The following CNTN5 variants were observed in gnomAD, a reference collection of about 807,000 sequenced individuals.
CNTN5 encodes the protein contactin-5.
Under a neutral mutation model 129.1 loss-of-function variants are expected in CNTN5, and 77 were observed. The ratio of observed to expected loss-of-function variants is 0.60; its 90% confidence interval spans 0.50 to 0.72. The LOEUF is 0.72. Ranked by LOEUF, CNTN5 falls within the 30% of genes least tolerant of loss-of-function variation. The pLI is 0.00. For synonymous variants in CNTN5, 509 were observed against 465.6 expected, an observed-to-expected ratio of 1.09 and a Z score of -1.20; for missense variants, 1,478 against 1,328.8, an observed-to-expected ratio of 1.11 and a Z score of -1.75.
chr11:99,506,551 G>A (rs1248246051), intron 2 of CNTN5, among the ~76,000 whole-genome samples: 1 of 151,996 alleles, frequency 6.6e-6, no homozygotes, highest in Non-Finnish European at 1.5e-5. Flanking sequence ...AATAGTCATT[G>A]CAAACAATGA....
At chr11:100,316,663 CTAGAGG>C (rs1371111329) in intron 21 of CNTN5, among the ~76,000 whole-genome samples, 2 of 152,050 alleles carry the variant, frequency 1.3e-5, no homozygotes, top group African/African-American at 4.8e-5. Context: ...ACTTTTTTCA[CTAGAGG>C]TAATTTTTAA....
intron 15 of CNTN5, among the ~76,000 whole-genome samples, chr11:100,214,312 A>G (rs554678517): frequency 2.4e-4 from 37 of 152,308 alleles, no homozygotes; most frequent in African/African-American, 8.2e-4. Flanking sequence ...CCTAAAATAT[A>G]TCCCTGAAGG....
At chr11:99,633,658 A>G (rs185479596) in intron 3 of CNTN5, among the ~76,000 whole-genome samples, 1,853 of 152,338 alleles carry the variant, frequency 0.012, 38 homozygotes, top group African/African-American at 0.042. Context: ...AAAGTAAACC[A>G]TTTAATAGAG....
rs374564050 is a variant in CNTN5, at chr11:100,001,853, A to G, written c.878-181A>G. 9.4e-4 allele frequency among the ~76,000 whole-genome samples: 143 copies of G among 152,314 alleles called. 1 individual carries two copies. The South Asian group carries it at 0.027, about 28-fold the overall frequency. ...GTAATCTAGTCCTCAGGGGAAGACT[A>G]GGATTTCATCAAAATGATAGAGCCT... On this transcript the variant is annotated intron_variant, in intron 8 of 24. Transcript: ENST00000524871.
chr11:100,260,129 C>T (rs1211609360), intron 17 of CNTN5, among the ~76,000 whole-genome samples: 1 of 152,136 alleles, frequency 6.6e-6, no homozygotes, highest in East Asian at 1.9e-4. Context: ...ACTGATCCCA[C>T]AGAAATACAA....
At chr11:99,192,896 C>G (rs1190150926) in intron 1 of CNTN5, among the ~76,000 whole-genome samples, 1 of 152,096 alleles carries the variant, frequency 6.6e-6, no homozygotes, top group East Asian at 1.9e-4. Context: ...AAAATGCTAA[C>G]TCCAACATAA....
At chr11:99,776,797 A>C (rs1031407826) in intron 3 of CNTN5, among the ~76,000 whole-genome samples, 1 of 151,872 alleles carries the variant, frequency 6.6e-6, no homozygotes, top group Non-Finnish European at 1.5e-5. Context: ...AATTAAAAAA[A>C]AAACTATTCA....
At chr11:99,627,195 A>G (rs1591382054) in intron 3 of CNTN5, among the ~76,000 whole-genome samples, 1 of 152,132 alleles carries the variant, frequency 6.6e-6, no homozygotes, top group Non-Finnish European at 1.5e-5. Context: ...GTCACTGACC[A>G]TGTGAATGAC....
intron 3 of CNTN5, among the ~76,000 whole-genome samples, chr11:99,612,213 A>G (rs1950612342): frequency 1.3e-5 from 2 of 152,180 alleles, no homozygotes; most frequent in Admixed American, 1.3e-4. Flanking sequence ...GAAAGCTACT[A>G]TATTGCAAAG....
intron 2 of CNTN5, among the ~76,000 whole-genome samples, chr11:99,472,580 A>G (rs1234201835): frequency 6.6e-6 from 1 of 152,182 alleles, no homozygotes; most frequent in Non-Finnish European, 1.5e-5. Context: ...TTTGTCAGTG[A>G]TCAAGTTTAC....
intron 6 of CNTN5, among the ~76,000 whole-genome samples, chr11:99,848,696 A>T (rs980444622): frequency 6.6e-6 from 1 of 152,146 alleles, no homozygotes; most frequent in South Asian, 2.1e-4. Flanking sequence ...TAATAGTTTT[A>T]TTGAATACTT....
chr11:100,250,813 C>T (rs942953394), intron 16 of CNTN5, among the ~76,000 whole-genome samples: 3 of 152,102 alleles, frequency 2.0e-5, no homozygotes, highest in Non-Finnish European at 4.4e-5. Context: ...TTTAAGATGG[C>T]TAATTTAAAC....
At chr11:99,235,855 G>A in intron 1 of CNTN5, among the ~76,000 whole-genome samples, 1 of 152,266 alleles carries the variant, frequency 6.6e-6, no homozygotes, top group East Asian at 1.9e-4. Context: ...CTGTGTTTTA[G>A]CAGAAAATCA....
chr11:99,497,901 T>A (rs752045160), intron 2 of CNTN5, among the ~76,000 whole-genome samples: 2 of 152,176 alleles, frequency 1.3e-5, no homozygotes, highest in Admixed American at 6.5e-5. Context: ...AGTCTCCAGG[T>A]GAGACTTGTT....
At chr11:99,304,789 G>A (rs77455534) in intron 1 of CNTN5, among the ~76,000 whole-genome samples, 2,032 of 152,284 alleles carry the variant, frequency 0.013, 40 homozygotes, top group African/African-American at 0.046. Context: ...CACTCCTGAA[G>A]TATGGTCATC....
chr11:100,246,950 T>C (rs193032344), intron 16 of CNTN5, among the ~76,000 whole-genome samples: 1 of 152,304 alleles, frequency 6.6e-6, no homozygotes, highest in East Asian at 1.9e-4. Context: ...AGCACAATTC[T>C]AGCCTTCTTG....
At chr11:99,936,877 A>T (rs902020855) in intron 7 of CNTN5, among the ~76,000 whole-genome samples, 4 of 152,202 alleles carry the variant, frequency 2.6e-5, no homozygotes, top group African/African-American at 9.6e-5. Context: ...GTTCCTCTTA[A>T]ATATTAACCA....
At chr11:100,084,826 G>T (rs1348846062) in intron 13 of CNTN5, among the ~76,000 whole-genome samples, 1 of 152,026 alleles carries the variant, frequency 6.6e-6, no homozygotes, top group African/African-American at 2.4e-5. Flanking sequence ...AGTTGCAAAT[G>T]GTAGCTCTAC....
At chr11:99,978,419 T>G (rs984390189) in intron 8 of CNTN5, among the ~76,000 whole-genome samples, 1 of 152,214 alleles carries the variant, frequency 6.6e-6, no homozygotes, top group Admixed American at 6.5e-5. Flanking sequence ...TGTCCTAGGC[T>G]TCACATCCGC....
Sources: allele counts gnomAD v4.1 joint callset (sites outside exome capture counted in the v4.1 genomes callset), GRCh38; gene constraint gnomAD v4.1.1; transcripts MANE v1.5; gene names NCBI Gene and HGNC (gene_info 2026-07-23, HGNC 2026-07-21).